The following MAP2K3 variants were observed in gnomAD, a reference collection of about 807,000 sequenced individuals.
The protein encoded by MAP2K3 is mitogen-activated protein kinase kinase 3.
A neutral mutation model predicts 46.4 loss-of-function variants in MAP2K3; 30 were observed. The ratio of observed to expected loss-of-function variants is 0.65; its 90% CI spans 0.48 to 0.88. The LOEUF is 0.88. MAP2K3 is among the 40% of genes least tolerant of loss of function. MAP2K3 has a pLI of 0.00. For missense variants in MAP2K3, 380 were observed against 464.5 expected (o/e 0.82, Z 1.67); for synonymous variants, 189 against 176.3 (o/e 1.07, Z -0.57).
intron 1 of MAP2K3, chr17:21,291,440 C>T (rs1347762077): frequency 4.4e-6 from 2 of 456,344 alleles, no homozygotes; most frequent in East Asian, 6.9e-5. Context: ...TCTGCAGGAG[C>T]AGCAGCACTG....
intron 9 of MAP2K3, chr17:21,311,866 A>T: frequency 3.0e-6 from 1 of 331,252 alleles, no homozygotes; most frequent in South Asian, 1.0e-4. Context: ...TTCAGAATTC[A>T]GGTTTTCTGA....
intron 1 of MAP2K3, among the ~76,000 whole-genome samples, chr17:21,292,772 C>A (rs961815569): frequency 6.6e-6 from 1 of 152,424 alleles, no homozygotes; most frequent in African/African-American, 2.4e-5. Flanking sequence ...CAGGCGTGAG[C>A]CACCTCACAT....
chr17:21,288,708 C>G (rs530181233), intron 1 of MAP2K3, among the ~76,000 whole-genome samples: 251 of 152,356 alleles, frequency 1.6e-3, no homozygotes, highest in African/African-American at 5.9e-3. Flanking sequence ...GAATGGGGAC[C>G]CTGCTTGTCT....
At chr17:21,310,525 C>G (rs72838563) in intron 9 of MAP2K3, among the ~76,000 whole-genome samples, 15 of 152,266 alleles carry the variant, frequency 9.9e-5, no homozygotes, top group Admixed American at 3.3e-4. Context: ...GGCCTCCCCC[C>G]ATCCTGCAAG....
chr17:21,287,917 C>T lies in MAP2K3; in HGVS notation c.49+2948C>T, dbSNP rs866123155. 6 of 732,952 alleles carry T rather than the reference C, an allele frequency of 8.2e-6. No individual in the cohort carries two copies. The Middle Eastern group carries it at 1.4e-3, about 170-fold the overall frequency. The allele number at this position is 732,952 out of a possible 1,614,324, so 45.4% of individuals were successfully genotyped here. ...CTAGCCCTGCCTGCTGTGGCCACCC[C>T]CCCAACCCCTGGCTGTCGGAAAGAC... On this transcript the variant is annotated intron_variant, in intron 1 of 11. Transcript: ENST00000342679.
chr17:21,296,616 G>A (rs1252369884), intron 1 of MAP2K3, among the ~76,000 whole-genome samples: 2 of 152,310 alleles, frequency 1.3e-5, no homozygotes, highest in Admixed American at 6.5e-5. Context: ...TGCAGCCTGG[G>A]GCAAGTGGCT....
chr17:21,291,530 C>G (rs1975936933), intron 1 of MAP2K3: 2 of 456,426 alleles, frequency 4.4e-6, no homozygotes, highest in Non-Finnish European at 4.4e-6. Context: ...GGAGCACAGC[C>G]TACGATCCTG....
intron 9 of MAP2K3, 200 bp from the exon 10 acceptor site, chr17:21,311,941 TG>T: frequency 2.0e-6 from 1 of 502,296 alleles, no homozygotes; most frequent in Non-Finnish European, 3.4e-6. Flanking sequence ...TGGGTCCTGC[TG>T]GCTGGGTCGG....
intron 1 of MAP2K3, chr17:21,295,658 C>A: frequency 2.3e-6 from 3 of 1,289,488 alleles, no homozygotes; most frequent in Non-Finnish European, 3.0e-6. Context: ...CTGATGCAGG[C>A]TTGGTGTCCC....
intron 1 of MAP2K3, chr17:21,288,138 G>A: frequency 2.4e-6 from 3 of 1,271,482 alleles, no homozygotes; most frequent in Non-Finnish European, 3.1e-6. Flanking sequence ...GGGCATGCCA[G>A]CCGGCTGCCT....
At chr17:21,296,206 G>A (rs1976239814) in intron 1 of MAP2K3, 1 of 1,286,108 alleles carries the variant, frequency 7.8e-7, no homozygotes, top group South Asian at 1.2e-5. Context: ...CACTGTGCGG[G>A]GCAGGTGGGT....
At chr17:21,302,340 CTAT>C in intron 6 of MAP2K3, 81 bp downstream of exon 6, 90 of 1,457,192 alleles carry the variant, frequency 6.2e-5, no homozygotes, top group South Asian at 9.2e-5. Flanking sequence ...TGGAGCCTGC[CTAT>C]TGATGGTGTC....
rs752896798 is a variant in MAP2K3 at position 21,303,169 on chromosome 17, C to T, written c.517-14C>T. ...AGAGTCCTGTCTCTTCCCTCCTCCCCACCCCACCGCCAGATCGTGCGGGCC... is the reference window on the plus strand; with the variant it reads ...AGAGTCCTGTCTCTTCCCTCCTCCCTACCCCACCGCCAGATCGTGCGGGCC... On this transcript the variant is annotated splice_polypyrimidine_tract_variant and intron_variant, in intron 6 of 11. Coordinates refer to ENST00000342679, the MANE Select transcript of MAP2K3 (RefSeq NM_145109.3). The T allele has an allele frequency of 1.9e-6, 3 of 1,614,122 alleles. No individual in the cohort carries two copies. Among genetic ancestry groups the T allele is most frequent in the Non-Finnish European group, 2.5e-6 (3 of 1,179,950 alleles).
intron 1 of MAP2K3, among the ~76,000 whole-genome samples, chr17:21,298,025 G>T (rs1399174283): frequency 6.6e-6 from 1 of 152,308 alleles, no homozygotes; most frequent in African/African-American, 2.4e-5. Context: ...CTGTACAGTG[G>T]CTGCTGCAGG....
At chr17:21,298,839 G>T in intron 2 of MAP2K3, 39 bp from the exon 3 acceptor site, 3 of 1,614,200 alleles carry the variant, frequency 1.9e-6, no homozygotes, top group Middle Eastern at 1.6e-4. Flanking sequence ...GGAAGGGTGT[G>T]GTTCTCTCTG....
At chr17:21,296,581 T>C (rs1976264960) in intron 1 of MAP2K3, among the ~76,000 whole-genome samples, 1 of 152,312 alleles carries the variant, frequency 6.6e-6, no homozygotes, top group Admixed American at 6.5e-5. Context: ...CAGGAGTGAC[T>C]CCTGGCCAGA....
At chr17:21,303,370 C>T (rs559602433) in intron 7 of MAP2K3, 136 bp downstream of exon 7, 326 of 1,240,318 alleles carry the variant, frequency 2.6e-4, no homozygotes, top group African/African-American at 1.4e-3. Context: ...GGGTTCCAGC[C>T]GCTTTCCACC....
intron 1 of MAP2K3, among the ~76,000 whole-genome samples, chr17:21,292,320 A>G (rs374767101): frequency 9.2e-3 from 1,397 of 151,930 alleles, no homozygotes; most frequent in Non-Finnish European, 0.014. Context: ...CAAAGGGACA[A>G]AAAGGCAGTC....
chr17:21,312,431 G>T, intron 10 of MAP2K3, 150 bp downstream of exon 10: 1 of 742,466 alleles, frequency 1.3e-6, no homozygotes, highest in Non-Finnish European at 2.0e-6. Context: ...GCTGGAGCAT[G>T]AGGAGCATTT....
Sources: allele counts gnomAD v4.1 joint callset (sites outside exome capture counted in the v4.1 genomes callset), GRCh38; gene constraint gnomAD v4.1.1; transcripts MANE v1.5; gene names NCBI Gene and HGNC (gene_info 2026-07-23, HGNC 2026-07-21).